The following TULP4 variants were observed in gnomAD, a reference collection of about 807,000 sequenced individuals.
TULP4 encodes the protein tubby-related protein 4.
A neutral mutation model predicts 129.0 loss-of-function variants in TULP4; 16 were observed. That is an observed-to-expected ratio of 0.12 (90% CI 0.08 to 0.19). The LOEUF is 0.19. TULP4 is among the 10% of genes least tolerant of loss of function. TULP4 has a pLI of 1.00. For synonymous variants in TULP4, 998 were observed against 854.0 expected, an observed-to-expected ratio of 1.17 and a Z score of -2.94; for missense variants, 1,842 against 2,059.1, an observed-to-expected ratio of 0.89 and a Z score of 2.04.
At chr6:158,380,439 AG>A (rs1777294495) in intron 1 of TULP4, among the ~76,000 whole-genome samples, 1 of 152,234 alleles carries the variant, frequency 6.6e-6, no homozygotes, top group African/African-American at 2.4e-5. Flanking sequence ...ACAAAAGGCT[AG>A]AAGAAATGTT....
At chr6:158,352,481 C>T (rs902667034) in intron 1 of TULP4, among the ~76,000 whole-genome samples, 1 of 152,194 alleles carries the variant, frequency 6.6e-6, no homozygotes, top group Non-Finnish European at 1.5e-5. Context: ...ACTGCAAACT[C>T]CACCTCCCGG....
chr6:158,271,479 G>A (rs1778546110), intron 1 of TULP4, among the ~76,000 whole-genome samples: 1 of 151,616 alleles, frequency 6.6e-6, no homozygotes, highest in Non-Finnish European at 1.5e-5. Context: ...TGCCACCCAG[G>A]CTGGAGTGCA....
intron 13 of TULP4, among the ~76,000 whole-genome samples, chr6:158,505,269 T>C (rs1780574716): frequency 6.6e-6 from 1 of 152,222 alleles, no homozygotes; most frequent in Admixed American, 6.5e-5. Flanking sequence ...AATTCACGTT[T>C]TCGTTAATTC....
At chr6:158,383,210 T>G (rs1000330975) in intron 1 of TULP4, among the ~76,000 whole-genome samples, 1 of 152,120 alleles carries the variant, frequency 6.6e-6, no homozygotes, top group East Asian at 1.9e-4. Flanking sequence ...CAGACTGGGG[T>G]GCTTCTCACT....
chr6:158,411,355 G>A (rs533872382), intron 1 of TULP4, among the ~76,000 whole-genome samples: 2 of 152,154 alleles, frequency 1.3e-5, no homozygotes, highest in Non-Finnish European at 2.9e-5. Context: ...TGATAGTTCT[G>A]TAAGCACTGC....
chr6:158,461,431 A>AG, intron 5 of TULP4, 132 bp from the exon 6 acceptor site: 1 of 854,128 alleles, frequency 1.2e-6, no homozygotes, highest in Non-Finnish European at 1.7e-6. Flanking sequence ...AAAAAAGGAA[A>AG]AAACCATGAA....
At chr6:158,299,552 A>C (rs1345263531) in intron 1 of TULP4, among the ~76,000 whole-genome samples, 1 of 152,190 alleles carries the variant, frequency 6.6e-6, no homozygotes, top group Non-Finnish European at 1.5e-5. Flanking sequence ...TCTCTCCAGA[A>C]GGTAAGCAGC....
At chr6:158,377,427 A>C (rs1777217311) in intron 1 of TULP4, among the ~76,000 whole-genome samples, 1 of 152,262 alleles carries the variant, frequency 6.6e-6, no homozygotes, top group Non-Finnish European at 1.5e-5. Context: ...GAGGAAACAG[A>C]TATTTAGAAA....
chr6:158,308,830 G>A (rs1417410351), upstream of TULP4, among the ~76,000 whole-genome samples: 5 of 144,572 alleles, frequency 3.5e-5, no homozygotes, highest in South Asian at 4.4e-4. Flanking sequence ...CAGTAGGGGC[G>A]GCCGGGCAGA....
intron 5 of TULP4, among the ~76,000 whole-genome samples, chr6:158,460,493 C>T (rs1226201626): frequency 6.6e-6 from 1 of 151,972 alleles, no homozygotes; most frequent in Non-Finnish European, 1.5e-5. Context: ...ATACTAATGG[C>T]TTTTGTTTTA....
intron 1 of TULP4, among the ~76,000 whole-genome samples, chr6:158,245,273 G>A (rs1778008229): frequency 6.6e-6 from 1 of 151,974 alleles, no homozygotes; most frequent in African/African-American, 2.4e-5. Flanking sequence ...GGGGTTACAG[G>A]TGTGAGCCAC....
intron 1 of TULP4, among the ~76,000 whole-genome samples, chr6:158,296,434 C>T (rs768864538): frequency 6.6e-6 from 1 of 151,886 alleles, no homozygotes; most frequent in Admixed American, 6.6e-5. Context: ...CCTGCCTGAG[C>T]CTCAAACCAG....
chr6:158,297,842 A>G (rs1412565872), intron 1 of TULP4, among the ~76,000 whole-genome samples: 1 of 152,134 alleles, frequency 6.6e-6, no homozygotes, highest in Non-Finnish European at 1.5e-5. Flanking sequence ...GAGAGCAGAG[A>G]ACTGGTCTGA....
chr6:158,486,361 G>A lies in TULP4; in HGVS notation c.1487-3227G>A, dbSNP rs376799750. Among the ~76,000 whole-genome samples, 12 of 152,208 alleles carry A rather than the reference G, an allele frequency of 7.9e-5. 1 individual carries two copies. The highest frequency in any genetic ancestry group is 2.9e-4 in the African/African-American group (12 of 41,520). ...AAGGTAAGGAGATCAAGACCATCCT[G>A]GCTAACAAGGTGAAACCCCATCTCT... On this transcript the variant is annotated intron_variant, in intron 8 of 13. Coordinates refer to ENST00000367097, the MANE Select transcript of TULP4 (RefSeq NM_020245.5).
chr6:158,315,191 AAT>A (rs1779460047), intron 1 of TULP4, among the ~76,000 whole-genome samples: 1 of 152,226 alleles, frequency 6.6e-6, no homozygotes, highest in Non-Finnish European at 1.5e-5. Context: ...ACTATAACAA[AAT>A]ATAGACAGGG....
rs148818326 is a variant in TULP4, at chr6:158,259,974, C to A, written n.68+27671C>A. 8.3e-3 allele frequency among the ~76,000 whole-genome samples: 1,266 copies of A among 152,314 alleles called. 6 individuals carry two copies. Among genetic ancestry groups the A allele is most frequent in the Non-Finnish European group, 0.012 (798 of 68,022 alleles). ...ATCAATGTATTCATCAGCCAGGAAG[C>A]TCTTTGAGCTCAGGTGTTTATCGTA... On this transcript the variant is annotated intron_variant and non_coding_transcript_variant, in intron 1 of 1. Transcript: ENST00000620026.
chr6:158,453,941 A>G (rs950897319), intron 5 of TULP4, among the ~76,000 whole-genome samples: 1 of 150,330 alleles, frequency 6.7e-6, no homozygotes, highest in African/African-American at 2.5e-5. Flanking sequence ...CAACAGAGGG[A>G]GACTCCGTCT....
chr6:158,391,506 G>T (rs1777584503), intron 1 of TULP4, among the ~76,000 whole-genome samples: 1 of 152,180 alleles, frequency 6.6e-6, no homozygotes, highest in African/African-American at 2.4e-5. Flanking sequence ...GGCAAAGTTG[G>T]TGACTAATTT....
At chr6:158,339,692 C>T (rs115292342) in intron 1 of TULP4, among the ~76,000 whole-genome samples, 7,987 of 152,202 alleles carry the variant, frequency 0.052, 279 homozygotes, top group African/African-American at 0.089. Context: ...CTGTCCTGTG[C>T]GGCCCACAGG....
Sources: gnomAD v4.1 joint callset for allele counts (sites outside exome capture counted in the v4.1 genomes callset) on GRCh38, gnomAD v4.1.1 for gene constraint, MANE v1.5 for transcripts, NCBI Gene and HGNC (gene_info 2026-07-23, HGNC 2026-07-21) for gene names.